The following UPRT variants were observed in gnomAD, a reference collection of about 807,000 sequenced individuals.
UPRT encodes the protein RP11-311P8.3.
Under a neutral mutation model 22.6 loss-of-function variants are expected in UPRT, and 5 were observed. The observed-to-expected ratio is 0.22, with a 90% CI of 0.12 to 0.47. UPRT has a LOEUF of 0.47. Ranked by LOEUF, UPRT falls within the 20% of genes least tolerant of loss-of-function variation. UPRT has a pLI of 0.99. For missense variants in UPRT, 181 were observed against 239.9 expected (o/e 0.75, Z 1.62); for synonymous variants, 77 against 87.7 (o/e 0.88, Z 0.68).
intron 4 of UPRT, among the ~76,000 whole-genome samples, chrX:75,202,096 A>G (rs1233452189): frequency 8.9e-6 from 1 of 112,264 alleles, no homozygotes; most frequent in Non-Finnish European, 1.9e-5. Flanking sequence ...AAGTGAAGGT[A>G]AAATTAAAAC....
intron 4 of UPRT, among the ~76,000 whole-genome samples, chrX:75,268,478 C>A (rs2082597682): frequency 9.0e-6 from 1 of 111,281 alleles, no homozygotes; most frequent in Non-Finnish European, 1.9e-5. Context: ...CAGGCCAATA[C>A]CCCTGATGAA....
At chrX:75,255,634 A>G (rs1424282413) in intron 4 of UPRT, among the ~76,000 whole-genome samples, 1 of 111,540 alleles carries the variant, frequency 9.0e-6, no homozygotes, top group Non-Finnish European at 1.9e-5. Context: ...ACACACAAGG[A>G]CTCACATAAA....
chrX:75,283,372 T>C (rs2147691803), intron 1 of UPRT, among the ~76,000 whole-genome samples: 1 of 111,485 alleles, frequency 9.0e-6, no homozygotes, highest in Non-Finnish European at 1.9e-5. Context: ...CTTTTACCTG[T>C]ATTTTTGTTA....
At position 75,171,581 on chromosome X, in the gene UPRT, G is replaced by A. The variant is rs140567325; in HGVS notation, c.-447+3702G>A. On this transcript the variant is annotated intron_variant, in intron 4 of 13. Coordinates refer to the UPRT transcript ENST00000652605. ...TCCGCATTCTTTTTCAGGTAAATCC[G>A]GGATTTCTTTTTGGTTTGGATCCAT... Among the ~76,000 whole-genome samples, 4,880 of 110,054 alleles carry A rather than the reference G, an allele frequency of 0.044. 431 individuals carry two copies. In the East Asian group the frequency reaches 0.57, roughly 13 times the overall value.
chrX:75,240,508 A>C (rs1205888430), intron 4 of UPRT, among the ~76,000 whole-genome samples: 1 of 111,975 alleles, frequency 8.9e-6, no homozygotes, highest in Non-Finnish European at 1.9e-5. Flanking sequence ...CACTGCTGAA[A>C]GCAAACTATA....
intron 4 of UPRT, among the ~76,000 whole-genome samples, chrX:75,229,066 C>T (rs748000994): frequency 1.7e-4 from 19 of 111,737 alleles, no homozygotes; most frequent in South Asian, 1.1e-3. Context: ...GAAATGAATA[C>T]GTTCTGAGGG....
chrX:75,252,084 T>C (rs2082532464), intron 4 of UPRT, among the ~76,000 whole-genome samples: 1 of 112,255 alleles, frequency 8.9e-6, no homozygotes, highest in South Asian at 3.7e-4. Context: ...AAGACTTACA[T>C]GTTAGACCTA....
intron 3 of UPRT, among the ~76,000 whole-genome samples, chrX:75,164,194 A>T (rs1438152680): frequency 9.0e-6 from 1 of 110,909 alleles, no homozygotes; most frequent in Non-Finnish European, 1.9e-5. Flanking sequence ...ATAAATAAAT[A>T]AATAAATAAA....
chrX:75,254,832 G>T (rs1479270395), intron 4 of UPRT, among the ~76,000 whole-genome samples: 2 of 98,799 alleles, frequency 2.0e-5, no homozygotes, highest in Non-Finnish European at 4.0e-5. Context: ...GCGGACTGCA[G>T]TGGCGCAATC....
intron 4 of UPRT, among the ~76,000 whole-genome samples, chrX:75,183,992 T>G (rs1232480225): frequency 8.9e-6 from 1 of 112,308 alleles, no homozygotes; most frequent in Non-Finnish European, 1.9e-5. Context: ...ACTCTGATGG[T>G]AGTTTCTTTT....
At chrX:75,253,414 A>C (rs2147663657) in intron 4 of UPRT, among the ~76,000 whole-genome samples, 1 of 112,570 alleles carries the variant, frequency 8.9e-6, no homozygotes, top group South Asian at 3.6e-4. Context: ...AAAATAACAG[A>C]TGCTGGCAAG....
intron 4 of UPRT, among the ~76,000 whole-genome samples, chrX:75,249,088 C>T (rs1290470302): frequency 9.0e-6 from 1 of 111,479 alleles, no homozygotes; most frequent in Non-Finnish European, 1.9e-5. Flanking sequence ...ACAACCAGTA[C>T]CAGCCACTGC....
At chrX:75,272,352 A>ATATGTGTATATATC (rs2082613344), upstream of UPRT, among the ~76,000 whole-genome samples, 1 of 92,386 alleles carries the variant, frequency 1.1e-5, no homozygotes, top group African/African-American at 4.2e-5. Context: ...ATACACATAT[A>ATATGTGTATATATC]TATATGTGTA....
At chrX:75,191,849 G>A (rs746113122) in intron 4 of UPRT, among the ~76,000 whole-genome samples, 5 of 111,759 alleles carry the variant, frequency 4.5e-5, no homozygotes, top group South Asian at 7.6e-4. Flanking sequence ...TTTTCCAGGT[G>A]CTGTGTGTCA....
In UPRT at chrX:75,258,222, C is replaced by CTT. The variant is rs200771761; in HGVS notation, c.-446-32791_-446-32790dup. On this transcript the variant is annotated intron_variant, in intron 4 of 13. Coordinates refer to the UPRT transcript ENST00000652605. ...TTTTTTTTTTTTTCCTTTTTTCTTT[C>CTT]TTTTTTTTTTTTCCATACGCCAGTA... Among the ~76,000 whole-genome samples, 74 of 68,476 alleles carry CTT rather than the reference C, an allele frequency of 1.1e-3. 1 individual carries two copies. In the South Asian group the frequency reaches 0.042, roughly 39 times the overall value. The allele number at this position is 68,476 out of a possible 115,157, so 59.5% of individuals were successfully genotyped here. A position where few individuals can be genotyped will look rare whatever the true frequency, so the allele number is the denominator to read the frequency against.
intron 4 of UPRT, among the ~76,000 whole-genome samples, chrX:75,223,001 C>G (rs1221999102): frequency 1.8e-5 from 2 of 110,474 alleles, no homozygotes; most frequent in Non-Finnish European, 3.8e-5. Context: ...CAAGTAGTAC[C>G]TGGCTATTGC....
chrX:75,259,686 A>G lies in UPRT; in HGVS notation c.-446-31338A>G, dbSNP rs190808669. Among the ~76,000 whole-genome samples the G allele has an allele frequency of 5.4e-5, 6 of 111,286 alleles. No individual in the cohort carries two copies. The East Asian group carries it at 1.7e-3, about 32-fold the overall frequency. ...ATGGAAACAAGTTGGAAAACACTGCAGGATATTATCCAGGAGAACTTCCCC... is the reference window on the plus strand; with the variant it reads ...ATGGAAACAAGTTGGAAAACACTGCGGGATATTATCCAGGAGAACTTCCCC... On this transcript the variant is annotated intron_variant, in intron 4 of 13. Transcript: ENST00000652605.
chrX:75,163,646 G>GA (rs2082205903), intron 3 of UPRT, among the ~76,000 whole-genome samples: 1 of 112,139 alleles, frequency 8.9e-6, no homozygotes, highest in Non-Finnish European at 1.9e-5. Flanking sequence ...GTTTATAGCA[G>GA]CATTGTTTAG....
chrX:75,187,756 G>A (rs2082299371), intron 4 of UPRT, among the ~76,000 whole-genome samples: 1 of 111,100 alleles, frequency 9.0e-6, no homozygotes, highest in East Asian at 2.8e-4. Context: ...TTCCCTTCTT[G>A]CTTCATTTCA....
Sources: gnomAD v4.1 joint callset for allele counts (sites outside exome capture counted in the v4.1 genomes callset) on GRCh38, gnomAD v4.1.1 for gene constraint, MANE v1.5 for transcripts, NCBI Gene and HGNC (gene_info 2026-07-23, HGNC 2026-07-21) for gene names.